The following COL18A1 variants were observed in gnomAD, a reference collection of about 807,000 sequenced individuals.
The protein encoded by COL18A1 is collagen alpha-1(XVIII) chain.
In COL18A1, 133 loss-of-function variants were observed where a neutral mutation model predicts 168.0. The ratio of observed to expected loss-of-function variants is 0.79; its 90% confidence interval spans 0.69 to 0.91. COL18A1 has a LOEUF of 0.91. COL18A1 is among the 40% of genes least tolerant of loss of function. COL18A1 has a pLI of 0.00. For missense variants in COL18A1, 2,126 were observed against 1,925.4 expected, an observed-to-expected ratio of 1.10 and a Z score of -1.95; for synonymous variants, 949 against 809.0, an observed-to-expected ratio of 1.17 and a Z score of -2.94.
rs1237589728 is a variant in COL18A1 at position 45,456,154 on chromosome 21, C to G, written c.107-12088C>G. ...GGCCCTGGGCACCACTCACGGGGCC[C>G]TCAGTGCCACCACCATCTTCAGGTA... On this transcript the variant is annotated intron_variant, in intron 2 of 41. Transcript: ENST00000651438. 3 of 1,586,000 alleles carry G rather than the reference C, an allele frequency of 1.9e-6. No homozygotes were observed.
chr21:45,421,215 C>T (rs1314425288), intron 2 of COL18A1: 1 of 358,326 alleles, frequency 2.8e-6, no homozygotes, highest in Non-Finnish European at 5.5e-6. Context: ...GGCTTTGCCG[C>T]CCCCACCCCC....
At chr21:45,477,649 G>A in intron 7 of COL18A1, 101 bp from the exon 8 acceptor site, 1 of 1,340,820 alleles carries the variant, frequency 7.5e-7, no homozygotes, top group Non-Finnish European at 1.0e-6. Context: ...TCCACTGTGG[G>A]AAGCAGCCCA....
At chr21:45,510,361 CA>C in intron 40 of COL18A1, 100 bp downstream of exon 40, 2 of 1,311,174 alleles carry the variant, frequency 1.5e-6, no homozygotes, top group East Asian at 2.5e-5. Context: ...CTCTGGAGGC[CA>C]CCATGTTACA....
chr21:45,505,955 C>T lies in COL18A1; in HGVS notation c.3205C>T (p.Arg1069Trp), dbSNP rs1466756224. The change falls in exon 37 of 42, where the codon CGG (arginine) becomes TGG (tryptophan). Residue 1069 changes from arginine (R) to tryptophan (W), a missense_variant. Transcript: ENST00000651438. ...ELYVRVQNGF[R>W]KVQLEARTPL... is the part of the protein sequence containing the mutation. ...CTACGTCCGCGTGCAGAACGGGTTC[C>T]GGAAGGTCCAGGTGAGCGCTCTGTG... The T allele has an allele frequency of 8.7e-6, 14 of 1,613,034 alleles. No individual in the cohort carries two copies. In the Admixed American group the frequency reaches 1.2e-4, roughly 13 times the overall value.
intron 23 of COL18A1, 38 bp from the exon 24 acceptor site, chr21:45,492,649 C>T (rs779154146): frequency 2.8e-5 from 45 of 1,610,356 alleles, no homozygotes; most frequent in South Asian, 2.5e-4. Flanking sequence ...CGCGAGGGTG[C>T]GTGATGACCC....
chr21:45,429,444 G>A (rs576990398), intron 2 of COL18A1, among the ~76,000 whole-genome samples: 6 of 152,302 alleles, frequency 3.9e-5, no homozygotes, highest in Middle Eastern at 3.4e-3. Context: ...GGGAGTCAGC[G>A]GACGTTGATT....
At chr21:45,407,468 G>A (rs930409847) in intron 2 of COL18A1, 1 of 152,280 alleles carries the variant, frequency 6.6e-6, no homozygotes, top group Non-Finnish European at 1.5e-5. Flanking sequence ...TCAGGAACCT[G>A]GGCTCAGTGG....
intron 2 of COL18A1, among the ~76,000 whole-genome samples, chr21:45,453,982 G>A (rs931351344): frequency 6.6e-6 from 1 of 152,220 alleles, no homozygotes; most frequent in Non-Finnish European, 1.5e-5. Flanking sequence ...ATGCGCTGGT[G>A]GAGGAGGGGG....
chr21:45,507,738 T>A (rs1318811642), intron 38 of COL18A1, 145 bp downstream of exon 38: 7 of 793,788 alleles, frequency 8.8e-6, no homozygotes, highest in Admixed American at 2.0e-5. Context: ...CTGCAGAAAC[T>A]GGTGCAGGAC....
Position 45,509,477 on chromosome 21 carries a change from G to T in COL18A1, c.3371G>T (p.Ser1124Ile), listed in dbSNP as rs2037442395. Residue 1124 changes from serine to isoleucine, a missense_variant, in exon 39 of 42, where the codon AGC becomes ATC. Coordinates refer to ENST00000651438, the MANE Select transcript of COL18A1 (RefSeq NM_001379500.1). ...RPWRADDILA[S>I]PPRLPEPQPY... ...TGGCGGGCAGATGACATCCTGGCCA[G>T]CCCCCCTCGCCTGCCCGAGCCCCAG... is the stretch of plus-strand genomic sequence containing the variant. The T allele has an allele frequency of 1.3e-6, 2 of 1,525,658 alleles. No homozygotes were observed. Among genetic ancestry groups the T allele is most frequent in the East Asian group, 2.4e-5 (1 of 41,340 alleles). The allele number at this position is 1,525,658 out of a possible 1,614,324, so 94.5% of individuals were successfully genotyped here.
intron 2 of COL18A1, among the ~76,000 whole-genome samples, chr21:45,440,826 G>A (rs907331669): frequency 6.6e-6 from 1 of 152,240 alleles, no homozygotes; most frequent in African/African-American, 2.4e-5. Flanking sequence ...CTGGAGCTAG[G>A]AACTGGCCCC....
chr21:45,458,020 G>A (rs1018275779), intron 2 of COL18A1, among the ~76,000 whole-genome samples: 11 of 150,922 alleles, frequency 7.3e-5, no homozygotes, highest in Middle Eastern at 3.4e-3. Flanking sequence ...GGGAGTGGCC[G>A]GGGGGCCACA....
At position 45,512,249 on chromosome 21, in the gene COL18A1, T is replaced by C. The variant is rs2037655669; in HGVS notation, c.3871T>C (p.Cys1291Arg). The change falls in exon 42 of 42, where the codon TGT becomes CGT. Residue 1291 changes from cysteine to arginine, a missense_variant. Cys to Arg is a radical substitution (Grantham distance 180). Transcript: ENST00000651438. ...CGGGCGCAGGCTGACCGAGAGCTAC[T>C]GTGAGACGTGGCGGACGGAGGCTCC... ...PNGRRLTESY[C>R]ETWRTEAPSA... 6.2e-7 allele frequency: 1 copy of C among 1,612,454 alleles called. No individual in the cohort carries two copies. Among genetic ancestry groups the C allele is most frequent in the Non-Finnish European group, 8.5e-7 (1 of 1,179,756 alleles).
intron 37 of COL18A1, 110 bp downstream of exon 37, chr21:45,506,076 C>A: frequency 1.3e-6 from 2 of 1,522,298 alleles, no homozygotes; most frequent in Non-Finnish European, 1.8e-6. Context: ...GAGCAGGTGG[C>A]AGCCAGCGCT....
In COL18A1 at chr21:45,497,557, C is replaced by T; in HGVS notation, c.2621-42C>T. 3.2e-6 allele frequency: 5 copies of T among 1,550,968 alleles called. No individual in the cohort carries two copies. In the South Asian group the frequency reaches 5.9e-5, roughly 18 times the overall value. On this transcript the variant is annotated intron_variant, in intron 31 of 41. Coordinates refer to ENST00000651438, the MANE Select transcript of COL18A1 (RefSeq NM_001379500.1). ...GGAGGGGCACCACCCTGGAGTCCTC[C>T]CTGGCACATTCCTGATGGGCACTGG... is the stretch of plus-strand genomic sequence containing the variant.
At chr21:45,415,037 C>T (rs193132089) in intron 2 of COL18A1, among the ~76,000 whole-genome samples, 3 of 152,296 alleles carry the variant, frequency 2.0e-5, no homozygotes, top group Admixed American at 1.3e-4. Flanking sequence ...CTGCGGGCAC[C>T]GTGACTTCTG....
At position 45,512,301 on chromosome 21, in the gene COL18A1, T is replaced by C. The variant is rs2146151966; in HGVS notation, c.3923T>C (p.Leu1308Pro). Residue 1308 changes from leucine to proline, a missense_variant, in exon 42 of 42, where the codon CTG (leucine) becomes CCG (proline). Physicochemically the swap from Leu to Pro is moderately conservative, Grantham distance 98 (BLOSUM62 -3). Coordinates refer to ENST00000651438, the MANE Select transcript of COL18A1 (RefSeq NM_001379500.1). ...TCGGCCACGGGCCAGGCCTCCTCGCTGCTGGGGGGCAGGCTCCTGGGGCAG... is the reference window on the plus strand; with the variant it reads ...TCGGCCACGGGCCAGGCCTCCTCGCCGCTGGGGGGCAGGCTCCTGGGGCAG... ...APSATGQASS[L>P]LGGRLLGQSA... 7 of 1,612,270 alleles carry C rather than the reference T, an allele frequency of 4.3e-6. No homozygotes were observed. Among genetic ancestry groups the C allele is most frequent in the African/African-American group, 4.0e-5 (3 of 75,010 alleles).
intron 3 of COL18A1, among the ~76,000 whole-genome samples, chr21:45,470,420 C>T (rs565244631): frequency 1.2e-5 from 1 of 81,652 alleles, no homozygotes; most frequent in African/African-American, 5.1e-5. Context: ...GCCTTTTTAC[C>T]TTGTCTTTTT....
intron 32 of COL18A1, chr21:45,502,432 G>T (rs2036916029): frequency 6.6e-6 from 1 of 152,234 alleles, no homozygotes; most frequent in African/African-American, 2.4e-5. Context: ...AGCCTAAGAT[G>T]TTAAAGAACA....
Sources: gnomAD v4.1 joint callset for allele counts (sites outside exome capture counted in the v4.1 genomes callset) on GRCh38, gnomAD v4.1.1 for gene constraint, MANE v1.5 for transcripts, NCBI Gene and HGNC (gene_info 2026-07-23, HGNC 2026-07-21) for gene names.